The following GPC6 variants were observed in gnomAD, a reference collection of about 807,000 sequenced individuals.
GPC6 encodes the protein glypican-6.
A neutral mutation model predicts 55.2 loss-of-function variants in GPC6; 14 were observed. The ratio of observed to expected loss-of-function variants is 0.25; its 90% CI spans 0.17 to 0.40. The LOEUF (loss-of-function observed/expected upper bound fraction) is 0.40. GPC6 is among the 10% of genes least tolerant of loss of function. The pLI is 1.00. For synonymous variants in GPC6, 278 were observed against 259.6 expected (o/e 1.07, Z -0.68); for missense variants, 641 against 708.5 (o/e 0.90, Z 1.08).
intron 2 of GPC6, among the ~76,000 whole-genome samples, chr13:93,620,570 C>T (rs1483092353): frequency 2.6e-5 from 4 of 152,022 alleles, no homozygotes; most frequent in East Asian, 3.9e-4. Context: ...TTATTTATAC[C>T]GAAGATGTTT....
chr13:94,297,740 A>C (rs558876685), intron 5 of GPC6, among the ~76,000 whole-genome samples: 1 of 152,180 alleles, frequency 6.6e-6, no homozygotes, highest in African/African-American at 2.4e-5. Context: ...ATTGAGGCCA[A>C]TGAAAAGTGG....
chr13:93,718,816 C>T (rs1883343225), intron 2 of GPC6, among the ~76,000 whole-genome samples: 2 of 151,900 alleles, frequency 1.3e-5, no homozygotes, highest in South Asian at 4.1e-4. Flanking sequence ...TTTCAGTTTG[C>T]CCAATGGCAT....
chr13:93,282,494 C>T (rs1877985916), intron 1 of GPC6, among the ~76,000 whole-genome samples: 1 of 151,342 alleles, frequency 6.6e-6, no homozygotes, highest in Non-Finnish European at 1.5e-5. Context: ...CCCTTCCTCC[C>T]AACTTAGCTG....
chr13:93,243,396 C>A (rs1333100259), intron 1 of GPC6, among the ~76,000 whole-genome samples: 2 of 152,160 alleles, frequency 1.3e-5, no homozygotes, highest in African/African-American at 4.8e-5. Flanking sequence ...GAATTGTTCA[C>A]CCATGTCTCT....
rs572226713 is a variant in GPC6, at chr13:93,704,399, A to G, written c.320-125755A>G. On this transcript the variant is annotated intron_variant, in intron 2 of 8. Transcript: ENST00000377047. The stretch of plus-strand genomic sequence containing the variant: ...GCTAGCAAAGAAGCATCACGTTGTC[A>G]TGAACTAAAATTGAGAGTTAAATGA... 2.0e-5 allele frequency among the ~76,000 whole-genome samples: 3 copies of G among 152,124 alleles called. No individual in the cohort carries two copies. The East Asian group carries it at 5.8e-4, about 30-fold the overall frequency.
intron 4 of GPC6, among the ~76,000 whole-genome samples, chr13:94,040,598 CCTATCCCT>C (rs1376633330): frequency 6.6e-6 from 1 of 151,866 alleles, no homozygotes; most frequent in Non-Finnish European, 1.5e-5. Flanking sequence ...CCTAAAACCA[CCTATCCCT>C]CTTTGGAAAG....
chr13:93,700,692 G>A (rs1271283465), intron 2 of GPC6, among the ~76,000 whole-genome samples: 1 of 152,032 alleles, frequency 6.6e-6, no homozygotes, highest in Non-Finnish European at 1.5e-5. Context: ...TGTGTTATCA[G>A]TTCTTCATTA....
At chr13:94,130,556 T>A (rs1886972485) in intron 4 of GPC6, among the ~76,000 whole-genome samples, 1 of 152,110 alleles carries the variant, frequency 6.6e-6, no homozygotes, top group Non-Finnish European at 1.5e-5. Context: ...GAAAGGAGAA[T>A]GGGACCAAGG....
intron 2 of GPC6, among the ~76,000 whole-genome samples, chr13:93,642,155 T>G (rs1483765017): frequency 6.6e-6 from 1 of 152,048 alleles, no homozygotes; most frequent in Non-Finnish European, 1.5e-5. Flanking sequence ...TCCCTCCTTC[T>G]CTAGTAATCC....
At chr13:94,346,444 C>T (rs554411766) in intron 6 of GPC6, among the ~76,000 whole-genome samples, 5 of 152,088 alleles carry the variant, frequency 3.3e-5, no homozygotes, top group Non-Finnish European at 4.4e-5. Flanking sequence ...AATCACTGGC[C>T]GGGCACGGTG....
intron 2 of GPC6, among the ~76,000 whole-genome samples, chr13:93,669,812 G>C (rs3904303): frequency 2.0e-5 from 3 of 149,598 alleles, no homozygotes; most frequent in African/African-American, 4.8e-5. Context: ...GTTGAAATTA[G>C]AGTGGGATTG....
chr13:94,212,690 A>C (rs539090622), intron 4 of GPC6, among the ~76,000 whole-genome samples: 1 of 152,344 alleles, frequency 6.6e-6, no homozygotes, highest in African/African-American at 2.4e-5. Context: ...TAAATAGCTT[A>C]GAAGCCCTTC....
intron 1 of GPC6, among the ~76,000 whole-genome samples, chr13:93,486,431 G>A (rs1216705002): frequency 6.6e-6 from 1 of 152,112 alleles, no homozygotes; most frequent in Non-Finnish European, 1.5e-5. Flanking sequence ...CTGTTAACAG[G>A]TGATACATGA....
chr13:94,002,468 A>C (rs899184261), intron 3 of GPC6, among the ~76,000 whole-genome samples: 1 of 152,220 alleles, frequency 6.6e-6, no homozygotes, highest in Non-Finnish European at 1.5e-5. Context: ...GATTATCTCA[A>C]TATTGACCTA....
intron 3 of GPC6, among the ~76,000 whole-genome samples, chr13:93,983,282 A>G (rs1356285879): frequency 2.0e-5 from 3 of 152,196 alleles, no homozygotes; most frequent in East Asian, 3.9e-4. Context: ...TGGTTACAGT[A>G]AATATGAATG....
At chr13:93,743,099 A>G (rs1884265654) in intron 2 of GPC6, among the ~76,000 whole-genome samples, 1 of 152,222 alleles carries the variant, frequency 6.6e-6, no homozygotes, top group Non-Finnish European at 1.5e-5. Flanking sequence ...GTCTATGAGT[A>G]GAAGAATAAC....
At chr13:94,266,678 A>G (rs1360890652) in intron 4 of GPC6, among the ~76,000 whole-genome samples, 1 of 152,112 alleles carries the variant, frequency 6.6e-6, no homozygotes, top group Non-Finnish European at 1.5e-5. Flanking sequence ...ATTTCATTGC[A>G]CTTGGTACAT....
At chr13:94,243,122 G>A (rs1891102675) in intron 4 of GPC6, among the ~76,000 whole-genome samples, 1 of 151,940 alleles carries the variant, frequency 6.6e-6, no homozygotes. Context: ...TCTCTTCCAG[G>A]GATGCTTTAT....
intron 1 of GPC6, among the ~76,000 whole-genome samples, chr13:93,345,447 T>A (rs1175865628): frequency 6.6e-6 from 1 of 151,938 alleles, no homozygotes; most frequent in Non-Finnish European, 1.5e-5. Flanking sequence ...CCTATCTGCA[T>A]CCCGAGTAAA....
Sources: gnomAD v4.1 joint callset for allele counts (sites outside exome capture counted in the v4.1 genomes callset) on GRCh38, gnomAD v4.1.1 for gene constraint, MANE v1.5 for transcripts, NCBI Gene and HGNC (gene_info 2026-07-23, HGNC 2026-07-21) for gene names.